The following ROS1 variants were observed in gnomAD, a reference collection of about 807,000 sequenced individuals.
ROS1 encodes ROS proto-oncogene 1, receptor tyrosine kinase, also known as proto-oncogene tyrosine-protein kinase ROS.
In ROS1, 263 loss-of-function variants were observed where a neutral mutation model predicts 273.5. That is an observed-to-expected ratio of 0.96 (90% CI 0.87 to 1.06). The LOEUF (loss-of-function observed/expected upper bound fraction) is 1.06, where lower values mean the gene tolerates loss of function less well. ROS1 is among the 50% of genes least tolerant of loss of function. The pLI is 0.00. For synonymous variants in ROS1, 1,008 were observed against 954.1 expected (o/e 1.06, Z -1.04); for missense variants, 2,833 against 2,751.1 (o/e 1.03, Z -0.67).
At chr6:117,304,497 A>G (rs748421616) in intron 42 of ROS1, among the ~76,000 whole-genome samples, 4 of 152,196 alleles carry the variant, frequency 2.6e-5, no homozygotes, top group African/African-American at 4.8e-5. Context: ...TTTGCTTTCT[A>G]TGGTTTCAGT....
chr6:117,387,725 T>A (rs1481225974), intron 14 of ROS1, 55 bp downstream of exon 14: 1 of 1,559,310 alleles, frequency 6.4e-7, no homozygotes, highest in Non-Finnish European at 8.7e-7. Flanking sequence ...TAAAGGGCAC[T>A]CAGCTAGTCC....
At chr6:117,345,383 GTTC>G (rs1343887100) in intron 27 of ROS1, among the ~76,000 whole-genome samples, 1 of 152,196 alleles carries the variant, frequency 6.6e-6, no homozygotes, top group Non-Finnish European at 1.5e-5. Flanking sequence ...CACTTCACGT[GTTC>G]TTCTACCAGT....
intron 9 of ROS1, 92 bp downstream of exon 9, chr6:117,396,096 G>C: frequency 1.2e-6 from 1 of 807,610 alleles, no homozygotes; most frequent in Admixed American, 2.0e-5. Context: ...GGTGGGTCTT[G>C]AGGTCTACCA....
chr6:117,293,799 A>G (rs1774008471), intron 43 of ROS1, among the ~76,000 whole-genome samples: 1 of 152,184 alleles, frequency 6.6e-6, no homozygotes, highest in African/African-American at 2.4e-5. Flanking sequence ...TTATAGTCAC[A>G]AAGAATTTGA....
At chr6:117,377,196 T>A (rs1375791114) in intron 18 of ROS1, among the ~76,000 whole-genome samples, 1 of 152,172 alleles carries the variant, frequency 6.6e-6, no homozygotes, top group African/African-American at 2.4e-5. Flanking sequence ...CTGTAACCTC[T>A]GCCTCCCCGG....
intron 32 of ROS1, among the ~76,000 whole-genome samples, chr6:117,331,453 C>A (rs1582643201): frequency 6.6e-6 from 1 of 152,288 alleles, no homozygotes; most frequent in South Asian, 2.1e-4. Flanking sequence ...CCCAACCTAG[C>A]AAGACAGGCC....
intron 12 of ROS1, among the ~76,000 whole-genome samples, chr6:117,392,975 C>T (rs1247599968): frequency 2.0e-5 from 3 of 152,116 alleles, no homozygotes; most frequent in Non-Finnish European, 4.4e-5. Context: ...GGAGGTCTTT[C>T]CCATATTCCC....
chr6:117,303,791 A>G (rs1004823562), intron 42 of ROS1, among the ~76,000 whole-genome samples: 1 of 152,198 alleles, frequency 6.6e-6, no homozygotes, highest in African/African-American at 2.4e-5. Context: ...ATGAGAGATA[A>G]TGATGGTGTG....
At chr6:117,347,696 TAAC>T (rs1178450734) in intron 27 of ROS1, among the ~76,000 whole-genome samples, 4 of 152,100 alleles carry the variant, frequency 2.6e-5, no homozygotes, top group African/African-American at 4.8e-5. Flanking sequence ...GTAATGATGT[TAAC>T]AACAAGTTTT....
intron 43 of ROS1, among the ~76,000 whole-genome samples, chr6:117,295,078 C>A (rs1410615911): frequency 6.6e-6 from 1 of 152,056 alleles, no homozygotes; most frequent in Non-Finnish European, 1.5e-5. Flanking sequence ...CTATAGTAAC[C>A]AAAACAGCAT....
chr6:117,318,585 C>G (rs777412238), intron 37 of ROS1, among the ~76,000 whole-genome samples: 1 of 152,026 alleles, frequency 6.6e-6, no homozygotes, highest in East Asian at 1.9e-4. Flanking sequence ...TCCTTGCTTT[C>G]GATTTATTTC....
At chr6:117,306,602 T>C (rs1562254981) in intron 42 of ROS1, among the ~76,000 whole-genome samples, 1 of 152,196 alleles carries the variant, frequency 6.6e-6, no homozygotes. Flanking sequence ...TAGCTATCTA[T>C]GGGCTCACCT....
rs2128548033 is a variant in ROS1, at chr6:117,310,113, C to T, written c.6384G>A (p.Met2128Ile). 1 of 1,613,384 alleles carries T rather than the reference C, an allele frequency of 6.2e-7. No individual in the cohort carries two copies. ...CAGATTGAGTAGTGAAGATTCCATC[C>T]ATCAAACTTTCTGGAGCCATCCACC... ...PVRWMAPESL[M>I]DGIFTTQSDV... The change falls in exon 41 of 44, where the codon ATG (methionine) becomes ATA (isoleucine). Residue 2128 changes from methionine (M) to isoleucine (I), a missense_variant. Met to Ile is a conservative substitution (Grantham distance 10). Transcript: ENST00000368507.
chr6:117,318,068 C>T (rs1013185447), intron 38 of ROS1, 120 bp downstream of exon 38: 8 of 728,336 alleles, frequency 1.1e-5, no homozygotes, highest in African/African-American at 5.2e-5. Context: ...TCCATTTAAA[C>T]GTTTCAACCA....
intron 34 of ROS1, among the ~76,000 whole-genome samples, chr6:117,325,670 T>C (rs1476705653): frequency 6.6e-6 from 1 of 151,984 alleles, no homozygotes; most frequent in Non-Finnish European, 1.5e-5. Flanking sequence ...AAGAGGAAGA[T>C]GAGAACTCAT....
rs2128545883 is a variant in ROS1 at position 117,308,800 on chromosome 6, T to C, written c.6545A>G (p.Asp2182Gly). ...GTTAACATAATTAACTTACAGATCATCAGGACAATTTCTTGGTGGCTCCAG... is the reference window on the plus strand; with the variant it reads ...GTTAACATAATTAACTTACAGATCACCAGGACAATTTCTTGGTGGCTCCAG... The part of the protein sequence containing the change: ...GRLEPPRNCP[D>G]DLWNLMTQCW... Residue 2182 changes from aspartate (D) to glycine (G), a missense_variant, in exon 42 of 44, where the codon GAT (aspartate) becomes GGT (glycine). Transcript: ENST00000368507. 1 of 1,612,682 alleles carries C rather than the reference T, an allele frequency of 6.2e-7. No homozygotes were observed. The highest frequency in any genetic ancestry group is 8.5e-7 in the Non-Finnish European group (1 of 1,179,376).
intron 3 of ROS1, among the ~76,000 whole-genome samples, chr6:117,415,785 G>A (rs922233369): frequency 1.3e-5 from 2 of 151,966 alleles, no homozygotes; most frequent in African/African-American, 4.8e-5. Context: ...CATGACCTAC[G>A]GCCCTGGTAT....
chr6:117,324,570 C>T (rs1323602901), intron 34 of ROS1, among the ~76,000 whole-genome samples, 155 bp from the exon 35 acceptor site: 1 of 152,126 alleles, frequency 6.6e-6, no homozygotes, highest in Non-Finnish European at 1.5e-5. Context: ...AGCATCCATA[C>T]AGACAGTGTT....
In ROS1 at chr6:117,326,280, T is replaced by C. The variant is rs1562274270; in HGVS notation, c.5483A>G (p.Asn1828Ser). The change falls in exon 34 of 44, where the codon AAT becomes AGT. Residue 1828 changes from asparagine (N) to serine (S), a missense_variant. Coordinates refer to ENST00000368507, the MANE Select transcript of ROS1 (RefSeq NM_001378902.1). ...ACTATATTCACCAAACCCTAGATTA[T>C]TTGCAGCTACTACTCTGAACTGAAA... Reference protein sequence around the residue: ...GIFQFRVVAANNLGFGEYSGI... With the variant: ...GIFQFRVVAASNLGFGEYSGI... 3.1e-6 allele frequency: 5 copies of C among 1,602,442 alleles called. No homozygotes were observed. The highest frequency in any genetic ancestry group is 2.3e-5 in the East Asian group (1 of 43,994).
Sources: gnomAD v4.1 joint callset for allele counts (sites outside exome capture counted in the v4.1 genomes callset) on GRCh38, gnomAD v4.1.1 for gene constraint, MANE v1.5 for transcripts, NCBI Gene and HGNC (gene_info 2026-07-23, HGNC 2026-07-21) for gene names.